Variants in THADA observed in about 807,000 individuals in gnomAD.
The protein encoded by THADA is tRNA (32-2'-O)-methyltransferase regulator THADA.
In THADA, 213 loss-of-function variants were observed where a neutral mutation model predicts 219.8. The ratio of observed to expected loss-of-function variants is 0.97; its 90% CI spans 0.87 to 1.09. The LOEUF is 1.09. Ranked by LOEUF, THADA falls within the 50% of genes least tolerant of loss-of-function variation. The pLI, the probability that THADA is intolerant of heterozygous loss-of-function variation, is 0.00. For missense variants in THADA, 2,956 were observed against 2,311.3 expected (o/e 1.28, Z -5.72); for synonymous variants, 1,018 against 828.9 (o/e 1.23, Z -3.92).
chr2:43,232,626 A>G, intron 37 of THADA, 87 bp downstream of exon 37: 1 of 1,427,704 alleles, frequency 7.0e-7, no homozygotes, highest in Non-Finnish European at 9.6e-7. Flanking sequence ...AAGCATGCAA[A>G]AGCCCAGCTG....
intron 27 of THADA, among the ~76,000 whole-genome samples, chr2:43,429,108 T>G (rs138597122): frequency 2.7e-5 from 4 of 149,958 alleles, no homozygotes; most frequent in African/African-American, 9.8e-5. Context: ...TGTGTGTGTG[T>G]TTTTTTTTTC....
intron 25 of THADA, among the ~76,000 whole-genome samples, chr2:43,487,738 T>G (rs1023066846): frequency 6.6e-6 from 1 of 152,174 alleles, no homozygotes; most frequent in Admixed American, 6.5e-5. Context: ...ACTTCTACCA[T>G]GTGAGGACAC....
At chr2:43,337,194 G>C (rs1187252831) in intron 30 of THADA, among the ~76,000 whole-genome samples, 1 of 152,238 alleles carries the variant, frequency 6.6e-6, no homozygotes, top group Non-Finnish European at 1.5e-5. Flanking sequence ...ACCCCAGGGA[G>C]GGTCCAGGGG....
intron 36 of THADA, among the ~76,000 whole-genome samples, chr2:43,273,619 AG>A (rs1161428901): frequency 6.6e-6 from 1 of 152,164 alleles, no homozygotes; most frequent in Non-Finnish European, 1.5e-5. Flanking sequence ...AAAAAAGCAC[AG>A]GGCCTGCTGC....
At chr2:43,473,905 G>A (rs1339529352) in intron 26 of THADA, among the ~76,000 whole-genome samples, 2 of 152,038 alleles carry the variant, frequency 1.3e-5, no homozygotes, top group South Asian at 2.1e-4. Context: ...CACCGCGCCC[G>A]GCCCATGCTT....
chr2:43,563,929 C>T (rs1698372635), intron 15 of THADA: 1 of 152,156 alleles, frequency 6.6e-6, no homozygotes, highest in Admixed American at 6.5e-5. Flanking sequence ...AACATAATTA[C>T]GATGGCATTA....
intron 16 of THADA, among the ~76,000 whole-genome samples, chr2:43,560,018 G>T (rs552525032): frequency 2.6e-4 from 40 of 152,272 alleles, no homozygotes; most frequent in African/African-American, 9.6e-4. Flanking sequence ...AATAAAAACA[G>T]CAAAGCTCAC....
intron 25 of THADA, among the ~76,000 whole-genome samples, chr2:43,488,475 C>A (rs1422341808): frequency 6.6e-6 from 1 of 152,122 alleles, no homozygotes; most frequent in Non-Finnish European, 1.5e-5. Context: ...GCATAATGTT[C>A]TCAAGGTTCC....
intron 31 of THADA, among the ~76,000 whole-genome samples, chr2:43,293,813 A>T (rs1241677604): frequency 2.0e-5 from 3 of 152,172 alleles, no homozygotes; most frequent in Non-Finnish European, 4.4e-5. Context: ...TTCCTTCCTC[A>T]AATGATGGGG....
At chr2:43,426,201 G>C (rs938681304) in intron 28 of THADA, among the ~76,000 whole-genome samples, 1 of 152,134 alleles carries the variant, frequency 6.6e-6, no homozygotes, top group Admixed American at 6.5e-5. Context: ...AGTAGTATCA[G>C]CATTCTGATT....
chr2:43,307,530 T>C (rs1166577834), intron 31 of THADA, among the ~76,000 whole-genome samples: 1 of 152,248 alleles, frequency 6.6e-6, no homozygotes, highest in African/African-American at 2.4e-5. Flanking sequence ...TAGTTATGTG[T>C]TCTCTCACCC....
intron 29 of THADA, among the ~76,000 whole-genome samples, chr2:43,385,182 CA>C (rs149564144): frequency 0.019 from 2,887 of 151,870 alleles, 66 homozygotes; most frequent in African/African-American, 0.064. Context: ...CACAAAAAAA[CA>C]AAAAACAATT....
chr2:43,556,573 C>T lies in THADA; in HGVS notation c.2464-18G>A, dbSNP rs780027085. The T allele has an allele frequency of 6.3e-7, 1 of 1,596,208 alleles. No homozygotes were observed. The highest frequency in any genetic ancestry group is 1.1e-5 in the South Asian group (1 of 88,568). On this transcript the variant is annotated intron_variant, in intron 16 of 37. Coordinates refer to ENST00000405975, the MANE Select transcript of THADA (RefSeq NM_022065.5). ...CCCGAATCCTAGAATAAAGCGCAGACTCAGTAACTGTCAAATTAAAGATCT... is the reference window on the plus strand; with the variant it reads ...CCCGAATCCTAGAATAAAGCGCAGATTCAGTAACTGTCAAATTAAAGATCT...
At chr2:43,467,418 T>C (rs1684393679) in intron 26 of THADA, among the ~76,000 whole-genome samples, 1 of 152,146 alleles carries the variant, frequency 6.6e-6, no homozygotes, top group African/African-American at 2.4e-5. Context: ...CTACCAGGAA[T>C]ACAGGACATA....
chr2:43,248,158 TATATATAGAGAGAGAGAGAGAGAGAG>T (rs1369919782), intron 36 of THADA, among the ~76,000 whole-genome samples: 37 of 65,184 alleles, frequency 5.7e-4, no homozygotes, highest in Admixed American at 1.5e-3. Flanking sequence ...TATATATATA[TATATATAGAGAGAGAGAGAGAGAGAG>T]AGAGAGAGAG....
rs767897367 is a variant in THADA at position 43,344,146 on chromosome 2, T to A, written c.4319A>T (p.Lys1440Ile). 1.2e-6 allele frequency: 2 copies of A among 1,611,382 alleles called. No homozygotes were observed. Among genetic ancestry groups the A allele is most frequent in the South Asian group, 2.2e-5 (2 of 90,066 alleles). ...HELTDITVCT[K>I]AKLWLAKRQN... ...CCTCTTGGCCAGCCAGAGTTTGGCT[T>A]TGGTACAAACAGTGATGTCAGTCAG... The change falls in exon 30 of 38, where the codon AAA becomes ATA. Residue 1440 changes from lysine to isoleucine, a missense_variant. Transcript: ENST00000405975.
At chr2:43,412,311 A>T (rs920753124) in intron 28 of THADA, among the ~76,000 whole-genome samples, 3 of 152,220 alleles carry the variant, frequency 2.0e-5, no homozygotes, top group Non-Finnish European at 4.4e-5. Flanking sequence ...CTCTTCAGTC[A>T]TGCCAAGTGC....
At chr2:43,334,692 G>T (rs1024233242) in intron 30 of THADA, among the ~76,000 whole-genome samples, 9 of 151,770 alleles carry the variant, frequency 5.9e-5, no homozygotes, top group Non-Finnish European at 5.9e-5. Context: ...GGAGAATGGC[G>T]TGAACCTGGG....
intron 25 of THADA, among the ~76,000 whole-genome samples, chr2:43,496,462 C>G (rs965995688): frequency 6.6e-6 from 1 of 152,128 alleles, no homozygotes; most frequent in Non-Finnish European, 1.5e-5. Flanking sequence ...GCGAGTGTCT[C>G]GTTTTTTCAA....
Sources: gnomAD v4.1 joint callset for allele counts (sites outside exome capture counted in the v4.1 genomes callset) on GRCh38, gnomAD v4.1.1 for gene constraint, MANE v1.5 for transcripts, NCBI Gene and HGNC (gene_info 2026-07-23, HGNC 2026-07-21) for gene names.